IL1RAPL2: variants seen among roughly 807,000 people sequenced by gnomAD.
IL1RAPL2 encodes interleukin 1 receptor accessory protein like 2.
A neutral mutation model predicts 44.1 loss-of-function variants in IL1RAPL2; 3 were observed. The ratio of observed to expected loss-of-function variants is 0.07; its 90% CI spans 0.03 to 0.18. The LOEUF is 0.18. Ranked by LOEUF, IL1RAPL2 falls within the 10% of genes least tolerant of loss-of-function variation. IL1RAPL2 has a pLI of 1.00. For missense variants in IL1RAPL2, 391 were observed against 496.4 expected (o/e 0.79, Z 2.02); for synonymous variants, 181 against 178.8 (o/e 1.01, Z -0.10).
At chrX:104,825,071 C>A (rs930195423) in intron 2 of IL1RAPL2, among the ~76,000 whole-genome samples, 13 of 111,500 alleles carry the variant, frequency 1.2e-4, no homozygotes, top group African/African-American at 4.2e-4. Context: ...TTATTAAAGT[C>A]TAGTTGCTCA....
At chrX:105,409,302 C>A (rs2035674821) in intron 5 of IL1RAPL2, among the ~76,000 whole-genome samples, 1 of 110,643 alleles carries the variant, frequency 9.0e-6, no homozygotes, top group Non-Finnish European at 1.9e-5. Flanking sequence ...GGATAAATTA[C>A]CATTGCCATG....
chrX:104,918,382 C>T (rs1342735670), intron 2 of IL1RAPL2, among the ~76,000 whole-genome samples: 2 of 111,100 alleles, frequency 1.8e-5, no homozygotes, highest in Non-Finnish European at 3.8e-5. Context: ...AACAAGTGAT[C>T]ATGTACTTGT....
chrX:104,730,352 T>A (rs762376062), intron 2 of IL1RAPL2, among the ~76,000 whole-genome samples: 5 of 86,735 alleles, frequency 5.8e-5, no homozygotes, highest in Admixed American at 1.2e-4. Flanking sequence ...TAGGTGTATC[T>A]CCTAATGCTA....
At chrX:104,615,381 AC>A (rs767214605) in intron 1 of IL1RAPL2, among the ~76,000 whole-genome samples, 99 of 103,689 alleles carry the variant, frequency 9.5e-4, no homozygotes, top group Admixed American at 2.0e-3. Context: ...CCCTCCCCCA[AC>A]CCCACCCCCC....
intron 5 of IL1RAPL2, among the ~76,000 whole-genome samples, chrX:105,284,744 C>T (rs2034557898): frequency 9.0e-6 from 1 of 111,229 alleles, no homozygotes. Context: ...AGTAACTTGC[C>T]CGGGTCACAC....
At chrX:104,693,488 A>C (rs1446931351) in intron 2 of IL1RAPL2, among the ~76,000 whole-genome samples, 1 of 111,743 alleles carries the variant, frequency 8.9e-6, no homozygotes, top group East Asian at 2.8e-4. Flanking sequence ...TTTTAAAGGC[A>C]CTTGTCAAGC....
chrX:105,349,807 T>C (rs927352440), intron 5 of IL1RAPL2, among the ~76,000 whole-genome samples: 1 of 111,939 alleles, frequency 8.9e-6, no homozygotes, highest in Non-Finnish European at 1.9e-5. Context: ...ATATGAATAA[T>C]AAACTATCTT....
At chrX:105,240,489 C>A (rs868961945) in intron 4 of IL1RAPL2, among the ~76,000 whole-genome samples, 3 of 112,139 alleles carry the variant, frequency 2.7e-5, no homozygotes, top group Non-Finnish European at 5.6e-5. Context: ...GGAATTCTTA[C>A]CCAGTCCAAA....
At chrX:104,663,898 G>A (rs7055299) in intron 2 of IL1RAPL2, among the ~76,000 whole-genome samples, 5,508 of 109,308 alleles carry the variant, frequency 0.05, 363 homozygotes, top group African/African-American at 0.18. Flanking sequence ...ATTTGATATG[G>A]CCAAAGGCAT....
At chrX:105,125,134 A>G (rs1271824322) in intron 2 of IL1RAPL2, among the ~76,000 whole-genome samples, 1 of 110,791 alleles carries the variant, frequency 9.0e-6, no homozygotes, top group Non-Finnish European at 1.9e-5. Flanking sequence ...AAAAAAGAGA[A>G]TACTGTTTGT....
intron 5 of IL1RAPL2, among the ~76,000 whole-genome samples, chrX:105,449,124 C>T (rs1312305074): frequency 1.8e-5 from 2 of 111,071 alleles, no homozygotes. Context: ...TTGTAAGTGT[C>T]TGGGCAATGA....
chrX:105,414,559 C>A (rs2035719550), intron 5 of IL1RAPL2, among the ~76,000 whole-genome samples: 1 of 111,736 alleles, frequency 8.9e-6, no homozygotes, highest in Non-Finnish European at 1.9e-5. Context: ...TCATCTTTTG[C>A]CTCTTATACT....
At chrX:104,921,746 T>C (rs746489851) in intron 2 of IL1RAPL2, among the ~76,000 whole-genome samples, 1 of 112,711 alleles carries the variant, frequency 8.9e-6, no homozygotes, top group African/African-American at 3.2e-5. Flanking sequence ...GGGTGTGGCC[T>C]GATAGCCATG....
chrX:105,701,457 G>A (rs1376967796), intron 6 of IL1RAPL2, among the ~76,000 whole-genome samples: 9 of 111,127 alleles, frequency 8.1e-5, no homozygotes, highest in East Asian at 5.8e-4. Context: ...AATATATTGC[G>A]ACATTGAATT....
intron 4 of IL1RAPL2, among the ~76,000 whole-genome samples, chrX:105,257,276 A>G (rs768741292): frequency 1.8e-5 from 2 of 111,811 alleles, no homozygotes; most frequent in Non-Finnish European, 3.8e-5. Flanking sequence ...CTTAACTTCT[A>G]TTTTTATTAC....
chrX:105,152,106 C>T (rs1237202647), intron 2 of IL1RAPL2, among the ~76,000 whole-genome samples: 1 of 110,687 alleles, frequency 9.0e-6, no homozygotes, highest in Non-Finnish European at 1.9e-5. Context: ...AAAGAACTTA[C>T]TCATGTAACC....
intron 2 of IL1RAPL2, among the ~76,000 whole-genome samples, chrX:105,116,349 C>A (rs1044226034): frequency 7.1e-5 from 8 of 112,998 alleles, no homozygotes; most frequent in Non-Finnish European, 1.3e-4. Flanking sequence ...AATTAGCTTG[C>A]ACAGTTGTAA....
At chrX:104,587,720 C>T (rs1446964153) in intron 1 of IL1RAPL2, among the ~76,000 whole-genome samples, 4 of 112,102 alleles carry the variant, frequency 3.6e-5, no homozygotes, top group African/African-American at 1.3e-4. Context: ...AATAAATTAG[C>T]ACAGATACAC....
chrX:105,290,777 A>G (rs116300328), intron 5 of IL1RAPL2, among the ~76,000 whole-genome samples: 4,113 of 111,645 alleles, frequency 0.037, 210 homozygotes, highest in African/African-American at 0.13. Context: ...CTCTTCCTCA[A>G]ATTTGTTTTG....
Sources: gnomAD v4.1 joint callset for allele counts (sites outside exome capture counted in the v4.1 genomes callset) on GRCh38, gnomAD v4.1.1 for gene constraint, MANE v1.5 for transcripts, NCBI Gene and HGNC (gene_info 2026-07-23, HGNC 2026-07-21) for gene names.